Variants in MRPL4 observed in about 807,000 individuals in gnomAD.
MRPL4 encodes large ribosomal subunit protein uL4m.
In MRPL4, 34 loss-of-function variants were observed where a neutral mutation model predicts 34.1. The observed-to-expected ratio is 1.00, with a 90% CI of 0.76 to 1.33. MRPL4 has a LOEUF of 1.33. Ranked by LOEUF, MRPL4 falls within the 40% of genes most tolerant of loss-of-function variation. MRPL4 has a pLI of 0.00. For synonymous variants in MRPL4, 196 were observed against 188.3 expected (o/e 1.04, Z -0.33); for missense variants, 402 against 434.6 (o/e 0.92, Z 0.67).
rs781513149 is a variant in MRPL4 at position 10,258,225 on chromosome 19, G to T, written c.449G>T (p.Gly150Val). The change falls in exon 6 of 9, where the codon GGT becomes GTT. Residue 150 changes from glycine to valine, a missense_variant. Coordinates refer to ENST00000253099, the MANE Select transcript of MRPL4 (RefSeq NM_015956.3). Reference protein sequence around the residue: ...SIRSPLWRGGGVAHGPRGPTS... With the variant: ...SIRSPLWRGGVVAHGPRGPTS... The stretch of plus-strand genomic sequence containing the variant: ...TCACATGCCTCTGTCCCCGCAGGAG[G>T]TGTTGCCCATGGCCCCCGGGGCCCC... 2 of 1,612,550 alleles carry T rather than the reference G, an allele frequency of 1.2e-6. No individual in the cohort carries two copies. The highest frequency in any genetic ancestry group is 2.2e-5 in the South Asian group (2 of 91,042).
At position 10,259,809 on chromosome 19, in the gene MRPL4, G is replaced by C; in HGVS notation, c.932G>C (p.Cys311Ser). 1 of 1,605,814 alleles carries C rather than the reference G, an allele frequency of 6.2e-7. No homozygotes were observed. Among genetic ancestry groups the C allele is most frequent in the South Asian group, 1.1e-5 (1 of 90,638 alleles). Residue 311 changes from cysteine to serine, a missense_variant, in exon 9 of 9, where the codon TGT becomes TCT. Cys to Ser is a moderately radical substitution (Grantham distance 112, BLOSUM62 -1). Coordinates refer to ENST00000253099, the MANE Select transcript of MRPL4 (RefSeq NM_015956.3). ...TQGPAATPYHC is the reference protein window; with the variant it reads ...TQGPAATPYHS ...GGCCCAGCGGCCACCCCGTACCACT[G>C]TTGATGTGAAGCACCTCTTCTGAGC...
chr19:10,252,911 A>AG (rs1459282548), intron 3 of MRPL4: 24 of 698,746 alleles, frequency 3.4e-5, no homozygotes, highest in Non-Finnish European at 5.4e-5. Context: ...TCTAAGGGTT[A>AG]GGGAGACAGA....
At chr19:10,252,098 C>T, upstream of MRPL4, 2 of 876,962 alleles carry the variant, frequency 2.3e-6, no homozygotes, top group East Asian at 2.8e-5. Flanking sequence ...TCTGGGCACG[C>T]CGGGTCGGAC....
At chr19:10,253,351 C>T (rs1184177307) in intron 3 of MRPL4, among the ~76,000 whole-genome samples, 4 of 150,100 alleles carry the variant, frequency 2.7e-5, no homozygotes, top group South Asian at 2.1e-4. Context: ...TGGTGGCGGG[C>T]GTCTGTAGTC....
intron 8 of MRPL4, 165 bp downstream of exon 8, chr19:10,258,850 G>T: frequency 6.5e-7 from 1 of 1,545,834 alleles, no homozygotes; most frequent in Non-Finnish European, 8.7e-7. Context: ...CTAAAGAAGT[G>T]CTTGGCTGGG....
chr19:10,256,059 G>A (rs999663370), intron 4 of MRPL4, among the ~76,000 whole-genome samples: 4 of 152,078 alleles, frequency 2.6e-5, no homozygotes, highest in African/African-American at 4.8e-5. Context: ...AGGCCGAGGC[G>A]GATGGATCAC....
upstream of MRPL4, chr19:10,252,053 A>G: frequency 1.7e-6 from 1 of 594,052 alleles, no homozygotes; most frequent in Non-Finnish European, 2.8e-6. Flanking sequence ...GGCAGGAGTG[A>G]AAATTGGGTC....
Position 10,259,901 on chromosome 19 carries a change from T to A in MRPL4, c.*88T>A. On this transcript the variant is annotated 3_prime_UTR_variant, in exon 9 of 9. Coordinates refer to ENST00000253099, the MANE Select transcript of MRPL4 (RefSeq NM_015956.3). ...CCCACCCTTCGAGGAAGGTGTCACC[T>A]GGACCCCTTCATTCCACGGAGGAAG... is the stretch of plus-strand genomic sequence containing the variant. The A allele has an allele frequency of 8.3e-7, 1 of 1,205,184 alleles. No homozygotes were observed. The highest frequency in any genetic ancestry group is 1.1e-6 in the Non-Finnish European group (1 of 870,106). 74.7% of individuals were successfully genotyped at this position (1,205,184 alleles called of 1,614,324 possible).
intron 4 of MRPL4, chr19:10,255,734 A>G (rs1568284089): frequency 6.6e-6 from 1 of 152,602 alleles, no homozygotes; most frequent in Admixed American, 6.5e-5. Context: ...GAATAAAGTC[A>G]TCAGTCTGCT....
intron 3 of MRPL4, among the ~76,000 whole-genome samples, chr19:10,253,292 T>C (rs562151476): frequency 5.2e-4 from 78 of 150,406 alleles, no homozygotes; most frequent in East Asian, 3.9e-3. Context: ...CTGGCTAACA[T>C]GGTGAAACCC....
At position 10,258,223 on chromosome 19, in the gene MRPL4, A is replaced by T; in HGVS notation, c.447A>T (p.Gly149=). The change falls in exon 6 of 9, where the codon GGA becomes GGT. Residue 149 remains glycine, a splice_region_variant and synonymous_variant. Coordinates refer to ENST00000253099, the MANE Select transcript of MRPL4 (RefSeq NM_015956.3). ...GSIRSPLWRG[G]GVAHGPRGPT... ...GCTCACATGCCTCTGTCCCCGCAGG[A>T]GGTGTTGCCCATGGCCCCCGGGGCC... The T allele has an allele frequency of 1.9e-6, 3 of 1,611,508 alleles. No individual in the cohort carries two copies. Among genetic ancestry groups the T allele is most frequent in the Non-Finnish European group, 2.5e-6 (3 of 1,177,872 alleles).
rs748514873 is a variant in MRPL4, at chr19:10,259,593, GCCCCGCCCCCA to G, written c.740-12_740-2del. ...GCAGCCCCGGCCTGACCGGCCCCCC[GCCCCGCCCCCA>G]CCCCGCCCCCAGGCCTAAATGTGCA... On this transcript the variant is annotated splice_polypyrimidine_tract_variant and intron_variant, in intron 8 of 8. Transcript: ENST00000253099. 45 of 301,568 alleles carry G rather than the reference GCCCCGCCCCCA, an allele frequency of 1.5e-4. No individual in the cohort carries two copies. Among genetic ancestry groups the G allele is most frequent in the East Asian group, 4.0e-4 (3 of 7,486 alleles). The allele number at this position is 301,568 out of a possible 1,614,324, so 18.7% of individuals were successfully genotyped here.
In MRPL4 at chr19:10,259,008, C is replaced by T. The variant is rs61260418; in HGVS notation, c.739+323C>T. ...CCAGCTACTCGGGGGCTGAGCCAGG[C>T]GGATAGCTTGAGCTCAGGGGGCCAA... On this transcript the variant is annotated intron_variant, in intron 8 of 8. Coordinates refer to ENST00000253099, the MANE Select transcript of MRPL4 (RefSeq NM_015956.3). 4.2e-3 allele frequency: 5,750 copies of T among 1,382,014 alleles called. 172 individuals carry two copies. The African/African-American group carries it at 0.072, about 17-fold the overall frequency. 85.6% of individuals were successfully genotyped at this position (1,382,014 alleles called of 1,614,324 possible).
chr19:10,259,485 T>C (rs941994898), intron 8 of MRPL4, 132 bp from the exon 9 acceptor site: 22 of 1,461,298 alleles, frequency 1.5e-5, no homozygotes, highest in South Asian at 2.8e-5. Flanking sequence ...CCCGGGCTGC[T>C]GGGCTCACAA....
At chr19:10,257,473 G>A (rs891667465) in intron 5 of MRPL4, among the ~76,000 whole-genome samples, 4 of 151,912 alleles carry the variant, frequency 2.6e-5, no homozygotes, top group Non-Finnish European at 4.4e-5. Flanking sequence ...CACATCCCCC[G>A]GAGCTACCCT....
Position 10,252,606 on chromosome 19 carries a change from C to G in MRPL4, c.180C>G (p.Arg60=). ...AGCTCCCGGTACCCACTCATCGACG[C>G]CCAGTGCAGGCCTGGGTCGAGTCCT... ...KVELPVPTHR[R]PVQAWVESLR... is the part of the protein sequence containing the mutation. The change falls in exon 3 of 9, where the codon CGC becomes CGG. Residue 60 remains arginine, a synonymous_variant. Transcript: ENST00000253099. The G allele has an allele frequency of 6.2e-7, 1 of 1,612,764 alleles. No individual in the cohort carries two copies. Among genetic ancestry groups the G allele is most frequent in the South Asian group, 1.1e-5 (1 of 91,072 alleles).
rs1346753560 is a variant in MRPL4 at position 10,258,591 on chromosome 19, C to T, written c.663-18C>T. Reference sequence around the variant, plus strand: ...GTACTCTGAGGGTTCAACCCCCACTCCCTGGCCTCTCTTACAGAACACACG... The same window carrying T: ...GTACTCTGAGGGTTCAACCCCCACTTCCTGGCCTCTCTTACAGAACACACG... On this transcript the variant is annotated intron_variant, in intron 7 of 8. Coordinates refer to ENST00000253099, the MANE Select transcript of MRPL4 (RefSeq NM_015956.3). 1 of 1,614,204 alleles carries T rather than the reference C, an allele frequency of 6.2e-7. No individual in the cohort carries two copies. Among genetic ancestry groups the T allele is most frequent in the East Asian group, 2.2e-5 (1 of 44,892 alleles).
intron 4 of MRPL4, 61 bp from the exon 5 acceptor site, chr19:10,256,647 T>C: frequency 7.0e-7 from 1 of 1,435,758 alleles, no homozygotes; most frequent in South Asian, 1.2e-5. Flanking sequence ...GCAGGACTGA[T>C]CTGCCCGGCT....
At chr19:10,259,477 C>T (rs1050440053) in intron 8 of MRPL4, 140 bp from the exon 9 acceptor site, 16 of 1,451,486 alleles carry the variant, frequency 1.1e-5, no homozygotes, top group African/African-American at 8.6e-5. Flanking sequence ...GGTCTGGCCC[C>T]GGGCTGCTGG....
Sources: gnomAD v4.1 joint callset for allele counts (sites outside exome capture counted in the v4.1 genomes callset) on GRCh38, gnomAD v4.1.1 for gene constraint, MANE v1.5 for transcripts, NCBI Gene and HGNC (gene_info 2026-07-23, HGNC 2026-07-21) for gene names.